The following PTPRD variants were observed in gnomAD, a reference collection of about 807,000 sequenced individuals.
PTPRD encodes the protein protein tyrosine phosphatase receptor type D.
Under a neutral mutation model 214.5 loss-of-function variants are expected in PTPRD, and 34 were observed. That is an observed-to-expected ratio of 0.16 (90% CI 0.12 to 0.21). The LOEUF is 0.21. PTPRD is among the 10% of genes least tolerant of loss of function. The probability of loss-of-function intolerance (pLI) is 1.00; values close to 1 mark genes in which losing one functional copy is unlikely to be tolerated. For missense variants in PTPRD, 2,545 were observed against 2,398.7 expected, an observed-to-expected ratio of 1.06 and a Z score of -1.27; for synonymous variants, 1,128 against 845.7, an observed-to-expected ratio of 1.33 and a Z score of -5.79.
chr9:8,658,352 G>A (rs1015991353), intron 12 of PTPRD, among the ~76,000 whole-genome samples: 2 of 152,142 alleles, frequency 1.3e-5, no homozygotes, highest in Non-Finnish European at 2.9e-5. Flanking sequence ...AGTGCTATAT[G>A]AGAACCACTG....
At chr9:9,496,034 C>A (rs1055965393) in intron 8 of PTPRD, among the ~76,000 whole-genome samples, 1 of 152,160 alleles carries the variant, frequency 6.6e-6, no homozygotes, top group African/African-American at 2.4e-5. Flanking sequence ...TGCTCACTCA[C>A]ATGCTCCCTC....
At chr9:8,506,685 G>C (rs1166447905) in intron 22 of PTPRD, among the ~76,000 whole-genome samples, 1 of 152,154 alleles carries the variant, frequency 6.6e-6, no homozygotes, top group Non-Finnish European at 1.5e-5. Flanking sequence ...CCTTAGAACA[G>C]TGCCCATTAA....
At chr9:9,846,217 A>C (rs1266898545) in intron 5 of PTPRD, among the ~76,000 whole-genome samples, 5 of 152,084 alleles carry the variant, frequency 3.3e-5, no homozygotes, top group African/African-American at 1.2e-4. Context: ...CCTAGATTGT[A>C]GATCTTTACA....
At chr9:8,783,624 T>C (rs2095826398) in intron 11 of PTPRD, among the ~76,000 whole-genome samples, 3 of 152,200 alleles carry the variant, frequency 2.0e-5, no homozygotes, top group African/African-American at 4.8e-5. Flanking sequence ...TAGAACACAC[T>C]ACCTCATACC....
At chr9:10,540,612 C>A (rs2058893225) in intron 2 of PTPRD, among the ~76,000 whole-genome samples, 1 of 152,154 alleles carries the variant, frequency 6.6e-6, no homozygotes, top group Admixed American at 6.6e-5. Flanking sequence ...GCATTTGTAA[C>A]TTATATTAAT....
chr9:8,337,690 T>G lies in PTPRD; in HGVS notation c.5379+1232A>C, dbSNP rs551928407. Among the ~76,000 whole-genome samples the G allele has an allele frequency of 3.3e-5, 5 of 152,020 alleles. No individual in the cohort carries two copies. The East Asian group carries it at 9.7e-4, about 30-fold the overall frequency. The stretch of plus-strand genomic sequence containing the variant: ...AAAAAAAAGGTGAGCAACTTCCGGT[T>G]TCAATCTTCTTTTGTTTATTGTGAT... On this transcript the variant is annotated intron_variant, in intron 43 of 45. Coordinates refer to ENST00000381196, the MANE Select transcript of PTPRD (RefSeq NM_002839.4).
intron 9 of PTPRD, among the ~76,000 whole-genome samples, chr9:9,260,720 T>C (rs1322982990): frequency 6.6e-6 from 1 of 151,850 alleles, no homozygotes. Flanking sequence ...AAACTTCAAT[T>C]AATAGAATAG....
At chr9:8,878,557 C>T (rs1016430245) in intron 11 of PTPRD, among the ~76,000 whole-genome samples, 2 of 151,776 alleles carry the variant, frequency 1.3e-5, no homozygotes. Context: ...GACAGAGTCT[C>T]ACTGTGTAGA....
chr9:9,972,005 G>C (rs1367947633), intron 4 of PTPRD, among the ~76,000 whole-genome samples: 13 of 151,924 alleles, frequency 8.6e-5, no homozygotes. Flanking sequence ...TATATATTAA[G>C]TTCTTCACTT....
chr9:8,583,498 A>T (rs149662556), intron 14 of PTPRD, among the ~76,000 whole-genome samples: 1,815 of 151,562 alleles, frequency 0.012, 19 homozygotes, highest in Middle Eastern at 0.024. Flanking sequence ...TAATTTATTT[A>T]AAAAAAAAGA....
At chr9:8,754,604 T>C (rs1157843257) in intron 11 of PTPRD, among the ~76,000 whole-genome samples, 1 of 152,152 alleles carries the variant, frequency 6.6e-6, no homozygotes, top group Non-Finnish European at 1.5e-5. Context: ...AAATAACATA[T>C]TAGAGACCTA....
At chr9:8,596,753 T>C (rs2094497574) in intron 14 of PTPRD, among the ~76,000 whole-genome samples, 1 of 152,118 alleles carries the variant, frequency 6.6e-6, no homozygotes, top group Non-Finnish European at 1.5e-5. Flanking sequence ...TGCTATAATA[T>C]TTAATCCTTA....
At chr9:9,642,145 C>T (rs940562412) in intron 7 of PTPRD, among the ~76,000 whole-genome samples, 12 of 146,768 alleles carry the variant, frequency 8.2e-5, no homozygotes, top group Non-Finnish European at 1.3e-4. Flanking sequence ...AATCATCATT[C>T]TCAGTAAACT....
chr9:9,220,215 T>C (rs779210518), intron 9 of PTPRD, among the ~76,000 whole-genome samples: 87 of 152,052 alleles, frequency 5.7e-4, no homozygotes, highest in Admixed American at 1.6e-3. Flanking sequence ...ATGGACACAT[T>C]CAAATAATTA....
chr9:9,524,499 G>C (rs2073545410), intron 8 of PTPRD, among the ~76,000 whole-genome samples: 1 of 152,026 alleles, frequency 6.6e-6, no homozygotes, highest in South Asian at 2.1e-4. Context: ...TTAAACTGTA[G>C]AAAAGTCCCA....
chr9:8,738,653 C>A (rs2091110235), intron 11 of PTPRD, among the ~76,000 whole-genome samples: 1 of 151,818 alleles, frequency 6.6e-6, no homozygotes, highest in Non-Finnish European at 1.5e-5. Flanking sequence ...TACAACAAAT[C>A]ACATTATAAT....
chr9:10,072,691 T>C (rs2098049705), intron 3 of PTPRD, among the ~76,000 whole-genome samples: 3 of 152,128 alleles, frequency 2.0e-5, no homozygotes, highest in Admixed American at 1.3e-4. Context: ...GAGCACTGAT[T>C]GGTGCATTTT....
chr9:10,546,086 C>A (rs2060111444), intron 2 of PTPRD, among the ~76,000 whole-genome samples: 1 of 152,162 alleles, frequency 6.6e-6, no homozygotes. Context: ...CTTTATCCTA[C>A]CAGTAATTAT....
intron 7 of PTPRD, among the ~76,000 whole-genome samples, chr9:9,638,301 C>A (rs370131389): frequency 5.9e-5 from 9 of 152,160 alleles, no homozygotes; most frequent in African/African-American, 1.9e-4. Flanking sequence ...GCATTCTGAA[C>A]GCTGCTGCTA....
Sources: gnomAD v4.1 joint callset for allele counts (sites outside exome capture counted in the v4.1 genomes callset) on GRCh38, gnomAD v4.1.1 for gene constraint, MANE v1.5 for transcripts, NCBI Gene and HGNC (gene_info 2026-07-23, HGNC 2026-07-21) for gene names.